The following TRAPPC9 variants were observed in gnomAD, a reference collection of about 807,000 sequenced individuals.
TRAPPC9 encodes IKK2 binding protein.
A neutral mutation model predicts 124.0 loss-of-function variants in TRAPPC9; 83 were observed. The observed-to-expected ratio is 0.67, with a 90% CI of 0.56 to 0.80. TRAPPC9 has a LOEUF of 0.80. Among genes scored for constraint, TRAPPC9 ranks in the 30% least tolerant of loss-of-function variants. TRAPPC9 has a pLI of 0.00. For missense variants in TRAPPC9, 1,302 were observed against 1,508.3 expected (o/e 0.86, Z 2.27); for synonymous variants, 638 against 617.5 (o/e 1.03, Z -0.49).
At chr8:140,149,632 A>G (rs1335134930) in intron 17 of TRAPPC9, among the ~76,000 whole-genome samples, 1 of 152,070 alleles carries the variant, frequency 6.6e-6, no homozygotes, top group African/African-American at 2.4e-5. Flanking sequence ...TCAAAAAAAA[A>G]AAAAAGAATA....
At chr8:140,176,224 A>G (rs1057028707) in intron 17 of TRAPPC9, among the ~76,000 whole-genome samples, 3 of 152,208 alleles carry the variant, frequency 2.0e-5, no homozygotes, top group African/African-American at 7.2e-5. Flanking sequence ...AACCACCCCT[A>G]ATAAATTAAC....
At chr8:140,047,371 G>A (rs967553170) in intron 17 of TRAPPC9, among the ~76,000 whole-genome samples, 40 of 152,368 alleles carry the variant, frequency 2.6e-4, no homozygotes, top group African/African-American at 9.4e-4. Context: ...TGCGCTAAGA[G>A]CCCGAATGCG....
intron 4 of TRAPPC9, among the ~76,000 whole-genome samples, chr8:140,431,318 G>A (rs1222793840): frequency 2.0e-5 from 3 of 152,092 alleles, no homozygotes; most frequent in Middle Eastern, 3.4e-3. Flanking sequence ...CTAGCCGGGC[G>A]TAGTGGTGGG....
intron 17 of TRAPPC9, among the ~76,000 whole-genome samples, chr8:140,117,781 C>G (rs549846804): frequency 1.3e-5 from 2 of 152,298 alleles, no homozygotes; most frequent in Non-Finnish European, 2.9e-5. Flanking sequence ...TAACAGAACT[C>G]ACTGAGCAGC....
At chr8:140,404,762 ATGTGTGTGCG>A (rs1442234213) in intron 6 of TRAPPC9, among the ~76,000 whole-genome samples, 1 of 149,696 alleles carries the variant, frequency 6.7e-6, no homozygotes, top group Non-Finnish European at 1.5e-5. Flanking sequence ...GTGTACGTGC[ATGTGTGTGCG>A]TGTGTGAGCA....
At chr8:140,433,214 C>T (rs912374000) in intron 4 of TRAPPC9, among the ~76,000 whole-genome samples, 9 of 151,870 alleles carry the variant, frequency 5.9e-5, no homozygotes, top group Middle Eastern at 3.4e-3. Context: ...ATCACTTGAG[C>T]CCGGGAGGCA....
chr8:140,325,797 C>A, intron 9 of TRAPPC9, among the ~76,000 whole-genome samples: 1 of 152,238 alleles, frequency 6.6e-6, no homozygotes, highest in Middle Eastern at 3.4e-3. Context: ...TGACAAATAA[C>A]TAAAAGAATA....
chr8:140,411,948 A>T (rs2069720562), intron 5 of TRAPPC9, among the ~76,000 whole-genome samples: 1 of 152,278 alleles, frequency 6.6e-6, no homozygotes. Flanking sequence ...TTTGGCAGCC[A>T]GCACAGTAAT....
chr8:140,203,617 C>A (rs940083210), intron 17 of TRAPPC9, among the ~76,000 whole-genome samples: 1 of 152,146 alleles, frequency 6.6e-6, no homozygotes, highest in Non-Finnish European at 1.5e-5. Flanking sequence ...ATGTGAAAAT[C>A]GGTGCTTGCG....
chr8:139,887,306 C>A (rs1231365748), intron 20 of TRAPPC9, among the ~76,000 whole-genome samples: 9 of 151,524 alleles, frequency 5.9e-5, no homozygotes, highest in African/African-American at 2.2e-4. Context: ...CTACAACCTC[C>A]GCCTCCCAGG....
chr8:139,842,482 GCA>G, intron 21 of TRAPPC9, among the ~76,000 whole-genome samples: 1 of 152,320 alleles, frequency 6.6e-6, no homozygotes, highest in South Asian at 2.1e-4. Flanking sequence ...GGCTTCGATC[GCA>G]CAGACATCCC....
chr8:140,239,149 G>A (rs749755695), intron 16 of TRAPPC9, among the ~76,000 whole-genome samples: 1 of 152,182 alleles, frequency 6.6e-6, no homozygotes, highest in South Asian at 2.1e-4. Flanking sequence ...CAACGAAGAC[G>A]GCAGCAGTGT....
rs1284488417 is a variant in TRAPPC9 at position 140,324,197 on chromosome 8, G to C, written c.1496-12823C>G. Among the ~76,000 whole-genome samples, 9 of 152,290 alleles carry C rather than the reference G, an allele frequency of 5.9e-5. No homozygotes were observed. The East Asian group carries it at 1.7e-3, about 29-fold the overall frequency. ...ATGAAGACACAGACTGAAAATAAAA[G>C]GATGGGGGGGAAAAGATATACCACA... On this transcript the variant is annotated intron_variant, in intron 9 of 22. Transcript: ENST00000438773.
At position 140,234,199 on chromosome 8, in the gene TRAPPC9, G is replaced by A. The variant is rs987306986; in HGVS notation, c.2432-12616C>T. On this transcript the variant is annotated intron_variant, in intron 16 of 22. Coordinates refer to ENST00000438773, the MANE Select transcript of TRAPPC9 (RefSeq NM_001160372.4). Reference sequence around the variant, plus strand: ...AAACCCCACTGTGAAATACACACGCGAGGCATCTAGGTTGCACGCTCTTCA... The same window carrying A: ...AAACCCCACTGTGAAATACACACGCAAGGCATCTAGGTTGCACGCTCTTCA... 3.9e-5 allele frequency among the ~76,000 whole-genome samples: 6 copies of A among 152,110 alleles called. No homozygotes were observed. In the East Asian group the frequency reaches 1.2e-3, roughly 29 times the overall value.
At position 140,439,046 on chromosome 8, in the gene TRAPPC9, T is replaced by C. The variant is rs749346030; in HGVS notation, c.730+6A>G. The C allele has an allele frequency of 2.5e-6, 4 of 1,613,938 alleles. No homozygotes were observed. Among genetic ancestry groups the C allele is most frequent in the Non-Finnish European group, 3.4e-6 (4 of 1,180,002 alleles). On this transcript the variant is annotated splice_donor_region_variant and intron_variant, in intron 3 of 22. Coordinates refer to ENST00000438773, the MANE Select transcript of TRAPPC9 (RefSeq NM_001160372.4). ...ATATCAGATCATCTTCATCAGCTCA[T>C]CTTACCTCCAAGCCACAGAAAGTCA...
At chr8:140,394,288 A>G (rs1047069811) in intron 7 of TRAPPC9, among the ~76,000 whole-genome samples, 2 of 152,138 alleles carry the variant, frequency 1.3e-5, no homozygotes, top group Non-Finnish European at 2.9e-5. Flanking sequence ...GGTCCGTTTA[A>G]AAGCACAGTC....
chr8:139,755,225 G>A (rs1463084020), intron 21 of TRAPPC9, among the ~76,000 whole-genome samples: 1 of 152,282 alleles, frequency 6.6e-6, no homozygotes, highest in Non-Finnish European at 1.5e-5. Context: ...GAACCTAGGA[G>A]CATGCAGGAC....
At chr8:140,342,533 T>C (rs1270968764) in intron 9 of TRAPPC9, among the ~76,000 whole-genome samples, 1 of 152,198 alleles carries the variant, frequency 6.6e-6, no homozygotes, top group Admixed American at 6.5e-5. Context: ...ATCCCTTCTC[T>C]CTAGTTCTGA....
chr8:139,835,434 C>T (rs765382939), intron 21 of TRAPPC9, among the ~76,000 whole-genome samples: 2 of 152,248 alleles, frequency 1.3e-5, no homozygotes, highest in African/African-American at 2.4e-5. Flanking sequence ...CCTCCTGCGC[C>T]CCATTGTGTC....
Sources: allele counts gnomAD v4.1 joint callset (sites outside exome capture counted in the v4.1 genomes callset), GRCh38; gene constraint gnomAD v4.1.1; transcripts MANE v1.5; gene names NCBI Gene and HGNC (gene_info 2026-07-23, HGNC 2026-07-21).